SYN2: variants seen among roughly 807,000 people sequenced by gnomAD.
SYN2 encodes synapsin-2.
Under a neutral mutation model 50.9 loss-of-function variants are expected in SYN2, and 19 were observed. The observed-to-expected ratio is 0.37, with a 90% confidence interval of 0.26 to 0.55. SYN2 has a LOEUF of 0.55. Ranked by LOEUF, SYN2 falls within the 20% of genes least tolerant of loss-of-function variation. The pLI, the probability that SYN2 is intolerant of heterozygous loss-of-function variation, is 0.81. For missense variants in SYN2, 587 were observed against 576.4 expected (o/e 1.02, Z -0.19); for synonymous variants, 255 against 224.9 (o/e 1.13, Z -1.20).
intron 1 of SYN2, among the ~76,000 whole-genome samples, chr3:12,046,948 A>C (rs167408): frequency 6.6e-6 from 1 of 152,046 alleles, no homozygotes; most frequent in Admixed American, 6.5e-5. Context: ...TTGAAGTGCC[A>C]ATGAGACAAT....
chr3:12,158,654 T>C (rs749489065), intron 5 of SYN2: 1 of 1,603,376 alleles, frequency 6.2e-7, no homozygotes, highest in Non-Finnish European at 8.5e-7. Context: ...CAGATACTAA[T>C]CCCCCACAAC....
At position 12,169,806 on chromosome 3, in the gene SYN2, G is replaced by A. The variant is rs763208958; in HGVS notation, c.1208G>A (p.Arg403Lys). The part of the protein sequence containing the change: ...PLIGEHQVED[R>K]QLITELVISK... ...ATTGGGGAACATCAGGTGGAGGACA[G>A]GCAACTCATCACCGAACTAGTCATC... Residue 403 changes from arginine (R) to lysine (K), a missense_variant, in exon 10 of 13, where the codon AGG (arginine) becomes AAG (lysine). Arg to Lys is a conservative substitution (Grantham distance 26). Transcript: ENST00000621198. 1.2e-6 allele frequency: 2 copies of A among 1,613,970 alleles called. No individual in the cohort carries two copies. Among genetic ancestry groups the A allele is most frequent in the Admixed American group, 1.7e-5 (1 of 60,024 alleles).
chr3:12,096,304 G>C (rs1157940158), intron 1 of SYN2, among the ~76,000 whole-genome samples: 1 of 152,136 alleles, frequency 6.6e-6, no homozygotes, highest in East Asian at 1.9e-4. Context: ...GCATGTATGA[G>C]TGGAAGATAA....
At chr3:12,091,251 C>G (rs1038693753) in intron 1 of SYN2, among the ~76,000 whole-genome samples, 1 of 152,130 alleles carries the variant, frequency 6.6e-6, no homozygotes, top group Non-Finnish European at 1.5e-5. Context: ...TATGGGTATT[C>G]TGTGAGGATA....
At chr3:12,053,456 AT>A (rs1475852666) in intron 1 of SYN2, among the ~76,000 whole-genome samples, 1 of 151,764 alleles carries the variant, frequency 6.6e-6, no homozygotes, top group African/African-American at 2.4e-5. Flanking sequence ...AAACAAAAAA[AT>A]ATATATAGAT....
Position 12,149,364 on chromosome 3 carries a change from G to A in SYN2, c.685-1873G>A, listed in dbSNP as rs80274391. Among the ~76,000 whole-genome samples the A allele has an allele frequency of 4.6e-3, 703 of 152,364 alleles. 4 individuals are homozygous for A. Among genetic ancestry groups the A allele is most frequent in the African/African-American group, 0.016 (667 of 41,576 alleles). ...AGTCCAGCCAGGCCCAGATGGGCAG[G>A]CAGGACGTAAAGGTCAGATGAGCAG... On this transcript the variant is annotated intron_variant, in intron 4 of 12. Transcript: ENST00000621198.
At chr3:12,156,520 A>G (rs1480503229) in intron 5 of SYN2, among the ~76,000 whole-genome samples, 2 of 152,224 alleles carry the variant, frequency 1.3e-5, no homozygotes, top group African/African-American at 4.8e-5. Flanking sequence ...CAAAAATCTT[A>G]TACTAATTTA....
intron 1 of SYN2, among the ~76,000 whole-genome samples, chr3:12,066,343 TA>T (rs1559406285): frequency 6.6e-6 from 1 of 151,872 alleles, no homozygotes; most frequent in Admixed American, 6.6e-5. Context: ...AAAATAAAAT[TA>T]AAAAAATGAA....
At chr3:12,171,576 A>G (rs1204074145) in intron 10 of SYN2, among the ~76,000 whole-genome samples, 1 of 152,218 alleles carries the variant, frequency 6.6e-6, no homozygotes, top group Non-Finnish European at 1.5e-5. Context: ...TTAAGTACTT[A>G]TAAAAGTGTA....
intron 1 of SYN2, among the ~76,000 whole-genome samples, chr3:12,062,963 G>T (rs1037763512): frequency 6.6e-6 from 1 of 151,898 alleles, no homozygotes; most frequent in Non-Finnish European, 1.5e-5. Flanking sequence ...ATATTGCTAA[G>T]GTAAATAAGC....
intron 1 of SYN2, among the ~76,000 whole-genome samples, chr3:12,052,136 A>G (rs565459614): frequency 1.1e-4 from 17 of 152,342 alleles, no homozygotes; most frequent in African/African-American, 3.1e-4. Context: ...TTCAGGAAAC[A>G]TTTATTGAAT....
chr3:12,160,021 C>T lies in SYN2; in HGVS notation c.775-1525C>T, dbSNP rs545268668. 4.1e-3 allele frequency among the ~76,000 whole-genome samples: 483 copies of T among 118,944 alleles called. 2 individuals carry two copies. Among genetic ancestry groups the T allele is most frequent in the Middle Eastern group, 0.013 (2 of 150 alleles). The allele number at this position is 118,944 out of a possible 152,430, so 78.0% of individuals were successfully genotyped here. ...CTGTGCCACTGCACTCCAGTCTGGG[C>T]GACAGAGTGAGACTCCGTCTCAAAA... On this transcript the variant is annotated intron_variant, in intron 5 of 12. Transcript: ENST00000621198.
Position 12,053,948 on chromosome 3 carries a change from CAG to C in SYN2, c.377+49023_377+49024del, listed in dbSNP as rs559176501. ...GACTTGGTCCATGTTCCTTAGATAA[CAG>C]AGCTTGAGGCAAACATTAAATGCGA... On this transcript the variant is annotated intron_variant, in intron 1 of 12. Transcript: ENST00000621198. Among the ~76,000 whole-genome samples, 22 of 152,174 alleles carry C rather than the reference CAG, an allele frequency of 1.4e-4. No individual in the cohort carries two copies. The South Asian group carries it at 4.1e-3, about 29-fold the overall frequency.
At chr3:12,123,906 T>G (rs1193864325) in intron 1 of SYN2, among the ~76,000 whole-genome samples, 1 of 152,036 alleles carries the variant, frequency 6.6e-6, no homozygotes, top group Non-Finnish European at 1.5e-5. Context: ...AACTACTCAG[T>G]AGGCTAAGGT....
chr3:12,024,149 CTTTTTTTTTTT>C (rs35513783), intron 1 of SYN2, among the ~76,000 whole-genome samples: 3 of 68,304 alleles, frequency 4.4e-5, no homozygotes, highest in African/African-American at 1.8e-4. Context: ...TCATTACTTC[CTTTTTTTTTTT>C]TTTTTTTTTT....
At chr3:12,139,972 A>T (rs1696977499) in intron 1 of SYN2, among the ~76,000 whole-genome samples, 1 of 152,224 alleles carries the variant, frequency 6.6e-6, no homozygotes, top group Non-Finnish European at 1.5e-5. Context: ...TAGATCTGTG[A>T]CAAACTGGGA....
chr3:12,145,577 C>T, intron 3 of SYN2, 102 bp from the exon 4 acceptor site: 1 of 1,341,666 alleles, frequency 7.5e-7, no homozygotes, highest in African/African-American at 1.4e-5. Context: ...CTAGGTGGTT[C>T]CTAAGCCCTC....
chr3:12,103,294 TC>T (rs1696114438), intron 1 of SYN2, among the ~76,000 whole-genome samples: 1 of 151,930 alleles, frequency 6.6e-6, no homozygotes, highest in African/African-American at 2.4e-5. Context: ...AGGAAGATAA[TC>T]CCAGAAGGAA....
intron 1 of SYN2, among the ~76,000 whole-genome samples, chr3:12,117,276 GT>G (rs1181754988): frequency 6.6e-6 from 1 of 152,190 alleles, no homozygotes; most frequent in Non-Finnish European, 1.5e-5. Flanking sequence ...ACTGGATCCA[GT>G]TGTTATTCTT....
Sources: gnomAD v4.1 joint callset for allele counts (sites outside exome capture counted in the v4.1 genomes callset) on GRCh38, gnomAD v4.1.1 for gene constraint, MANE v1.5 for transcripts, NCBI Gene and HGNC (gene_info 2026-07-23, HGNC 2026-07-21) for gene names.